TBC1D21: variants seen among roughly 807,000 people sequenced by gnomAD.
TBC1D21 encodes male germ cell Rab GTPase-activating protein.
Under a neutral mutation model 46.0 loss-of-function variants are expected in TBC1D21, and 38 were observed. The ratio of observed to expected loss-of-function variants is 0.83; its 90% CI spans 0.64 to 1.08. TBC1D21 has a LOEUF of 1.08. Among genes scored for constraint, TBC1D21 ranks in the 50% least tolerant of loss-of-function variants. The probability of loss-of-function intolerance (pLI) is 0.00; values close to 1 mark genes in which losing one functional copy is unlikely to be tolerated. For missense variants in TBC1D21, 415 were observed against 417.9 expected, an observed-to-expected ratio of 0.99 and a Z score of 0.06; for synonymous variants, 151 against 157.2, an observed-to-expected ratio of 0.96 and a Z score of 0.29.
At chr15:73,876,499 T>A (rs990654497) in intron 1 of TBC1D21, among the ~76,000 whole-genome samples, 4 of 150,236 alleles carry the variant, frequency 2.7e-5, no homozygotes, top group Non-Finnish European at 5.9e-5. Flanking sequence ...CGCCTCGGCC[T>A]CCCAAAGTGC....
At chr15:73,885,815 TACACACACACAC>T (rs3057447) in intron 6 of TBC1D21, among the ~76,000 whole-genome samples, 1 of 148,048 alleles carries the variant, frequency 6.8e-6, no homozygotes, top group African/African-American at 2.5e-5. Flanking sequence ...TACACACACA[TACACACACACAC>T]ACACACACAC....
chr15:73,879,218 A>G (rs1307791354), intron 1 of TBC1D21, among the ~76,000 whole-genome samples: 1 of 151,944 alleles, frequency 6.6e-6, no homozygotes, highest in Non-Finnish European at 1.5e-5. Flanking sequence ...TTATTTATCT[A>G]TTTATTTGAG....
intron 7 of TBC1D21, 29 bp from the exon 8 acceptor site, chr15:73,886,483 G>GAA: frequency 6.2e-7 from 1 of 1,603,228 alleles, no homozygotes; most frequent in Non-Finnish European, 8.5e-7. Context: ...GTTTTCCCCT[G>GAA]ACCACAGCCT....
At chr15:73,892,227 C>G (rs1293565098), downstream of TBC1D21, among the ~76,000 whole-genome samples, 1 of 152,234 alleles carries the variant, frequency 6.6e-6, no homozygotes, top group Non-Finnish European at 1.5e-5. Flanking sequence ...AATAAAGCAA[C>G]TCTTTGCCTT....
intron 9 of TBC1D21, 36 bp downstream of exon 9, chr15:73,887,772 C>T: frequency 6.4e-7 from 1 of 1,571,966 alleles, no homozygotes; most frequent in Non-Finnish European, 8.7e-7. Flanking sequence ...CACCCCTGCT[C>T]CTGGAGGCCC....
At chr15:73,893,821 G>A (rs2141592584), downstream of TBC1D21, among the ~76,000 whole-genome samples, 1 of 152,248 alleles carries the variant, frequency 6.6e-6, no homozygotes, top group African/African-American at 2.4e-5. Flanking sequence ...TACTAGGAAG[G>A]GCCTCCACTG....
At chr15:73,887,950 G>A (rs1252583896) in intron 9 of TBC1D21, among the ~76,000 whole-genome samples, 1 of 152,214 alleles carries the variant, frequency 6.6e-6, no homozygotes, top group Non-Finnish European at 1.5e-5. Flanking sequence ...TTGACACAGG[G>A]AGGCTATAAC....
rs973480156 is a variant in TBC1D21 at position 73,888,818 on chromosome 15, A to G, written c.979-251A>G. ...GGTGCATTCAACTTCAGAGACACAG[A>G]CTGTGCCACGTTCTCTACCACTGAC... On this transcript the variant is annotated intron_variant, in intron 10 of 10. Transcript: ENST00000300504. Among the ~76,000 whole-genome samples the G allele has an allele frequency of 2.6e-5, 4 of 152,012 alleles. 1 individual carries two copies. The highest frequency in any genetic ancestry group is 9.7e-5 in the African/African-American group (4 of 41,356).
intron 3 of TBC1D21, among the ~76,000 whole-genome samples, chr15:73,883,217 C>G (rs1054303643): frequency 2.6e-5 from 4 of 152,204 alleles, no homozygotes; most frequent in African/African-American, 9.7e-5. Context: ...GCCAGAGTGA[C>G]CCGGGGTGGG....
intron 3 of TBC1D21, 104 bp from the exon 4 acceptor site, chr15:73,884,047 G>T (rs2068199621): frequency 1.1e-6 from 1 of 908,688 alleles, no homozygotes; most frequent in Non-Finnish European, 1.8e-6. Flanking sequence ...CTGGGTGAGG[G>T]TGCTGCCCTG....
the TBC1D21 span, among the ~76,000 whole-genome samples, chr15:73,905,893 C>T: frequency 9.7e-3 from 1,470 of 151,900 alleles, 18 homozygotes; most frequent in Non-Finnish European, 0.012. Flanking sequence ...CTTCCCTGGC[C>T]TCTGTCCCAG....
At chr15:73,888,640 T>C in intron 10 of TBC1D21, 127 bp downstream of exon 10, 1 of 711,664 alleles carries the variant, frequency 1.4e-6, no homozygotes, top group South Asian at 1.7e-5. Context: ...CTCCTCCTCT[T>C]CTTCTTCCTC....
intron 1 of TBC1D21, among the ~76,000 whole-genome samples, chr15:73,879,445 T>G (rs1248069336): frequency 6.6e-6 from 1 of 152,138 alleles, no homozygotes; most frequent in Non-Finnish European, 1.5e-5. Flanking sequence ...CTCGAACTCC[T>G]GACCTCAAGT....
chr15:73,886,783 T>C (rs373661566), intron 8 of TBC1D21, among the ~76,000 whole-genome samples, 171 bp downstream of exon 8: 1 of 152,190 alleles, frequency 6.6e-6, no homozygotes, highest in South Asian at 2.1e-4. Context: ...AGCTGGAGCA[T>C]CACTTTGTCC....
chr15:73,889,020 G>A (rs1391360414), intron 10 of TBC1D21, 49 bp from the exon 11 acceptor site: 32 of 1,608,950 alleles, frequency 2.0e-5, no homozygotes, highest in Non-Finnish European at 2.5e-5. Flanking sequence ...ACCGAAGAAT[G>A]AAAGGGACAG....
downstream of TBC1D21, among the ~76,000 whole-genome samples, chr15:73,891,145 G>T (rs1233083925): frequency 6.6e-6 from 1 of 152,110 alleles, no homozygotes; most frequent in Non-Finnish European, 1.5e-5. Context: ...TGCTATGCAG[G>T]TCCTTAAAAA....
In TBC1D21 at chr15:73,881,664, G is replaced by A. The variant is rs2068157832; in HGVS notation, c.189G>A (p.Arg63=). The A allele has an allele frequency of 6.2e-7, 1 of 1,613,882 alleles. No individual in the cohort carries two copies. The highest frequency in any genetic ancestry group is 8.5e-7 in the Non-Finnish European group (1 of 1,179,944). ...ILERGLHPFV[R]TEAWKFLTGY... ...CCCAGGGTCTGCACCCCTTCGTGAG[G>A]ACTGAAGCCTGGAAATTCCTCACGG... Residue 63 remains arginine, a synonymous_variant, in exon 3 of 11, where the codon AGG becomes AGA. Transcript: ENST00000300504.
Position 73,886,157 on chromosome 15 carries a change from T to C in TBC1D21, c.659T>C (p.Val220Ala). The change falls in exon 7 of 11, where the codon GTG becomes GCG. Residue 220 changes from valine (V) to alanine (A), a missense_variant. Physicochemically the swap from Val to Ala is moderately conservative, Grantham distance 64. Transcript: ENST00000300504. ...LSTLITFLDPVFAEHLKGKGA... is the reference protein window; with the variant it reads ...LSTLITFLDPAFAEHLKGKGA... The stretch of plus-strand genomic sequence containing the variant: ...ACCCTGATCACCTTCCTGGACCCCG[T>C]GTTTGCTGAGCACCTAAGTGAGTGG... 6.2e-7 allele frequency: 1 copy of C among 1,614,192 alleles called. No individual in the cohort carries two copies. Among genetic ancestry groups the C allele is most frequent in the South Asian group, 1.1e-5 (1 of 91,080 alleles).
intron 1 of TBC1D21, among the ~76,000 whole-genome samples, chr15:73,879,648 C>A: frequency 6.6e-6 from 1 of 152,222 alleles, no homozygotes; most frequent in East Asian, 1.9e-4. Flanking sequence ...TCTGCACCTG[C>A]AGAAGATCCT....
Sources: allele counts gnomAD v4.1 joint callset (sites outside exome capture counted in the v4.1 genomes callset), GRCh38; gene constraint gnomAD v4.1.1; transcripts MANE v1.5; gene names NCBI Gene and HGNC (gene_info 2026-07-23, HGNC 2026-07-21).